The following SPECC1 variants were observed in gnomAD, a reference collection of about 807,000 sequenced individuals.
The protein encoded by SPECC1 is sperm antigen with calponin homology and coiled-coil domains 1.
A neutral mutation model predicts 104.1 loss-of-function variants in SPECC1; 62 were observed. That is an observed-to-expected ratio of 0.60 (90% CI 0.49 to 0.74). The LOEUF (loss-of-function observed/expected upper bound fraction) is 0.74, where lower values mean the gene tolerates loss of function less well. Among genes scored for constraint, SPECC1 ranks in the 30% least tolerant of loss-of-function variants. The pLI is 0.00. For missense variants in SPECC1, 1,306 were observed against 1,310.5 expected (o/e 1.00, Z 0.05); for synonymous variants, 513 against 501.6 (o/e 1.02, Z -0.30).
chr17:20,250,506 T>C (rs1483716057), intron 9 of SPECC1, among the ~76,000 whole-genome samples: 1 of 152,174 alleles, frequency 6.6e-6, no homozygotes, highest in Non-Finnish European at 1.5e-5. Flanking sequence ...AATTAGAAAA[T>C]ATTGATGAAA....
chr17:20,174,860 C>CT (rs2034357687), intron 3 of SPECC1, among the ~76,000 whole-genome samples: 1 of 152,120 alleles, frequency 6.6e-6, no homozygotes, highest in Admixed American at 6.5e-5. Flanking sequence ...CCAGGGCCTG[C>CT]TTCCTGGCAC....
chr17:20,127,698 C>A (rs1311237899), intron 3 of SPECC1, among the ~76,000 whole-genome samples: 1 of 152,156 alleles, frequency 6.6e-6, no homozygotes, highest in Non-Finnish European at 1.5e-5. Flanking sequence ...GCCTGAAGTG[C>A]AATTTTGCCA....
intron 8 of SPECC1, 106 bp from the exon 9 acceptor site, chr17:20,247,113 C>T (rs771740742): frequency 1.0e-4 from 77 of 760,374 alleles, no homozygotes; most frequent in Admixed American, 7.5e-4. Context: ...ACACTAAACA[C>T]GGATACTCCT....
At chr17:20,077,432 T>C (rs2046801462) in intron 1 of SPECC1, among the ~76,000 whole-genome samples, 2 of 152,156 alleles carry the variant, frequency 1.3e-5, no homozygotes, top group African/African-American at 4.8e-5. Context: ...ATTATCGCAC[T>C]GTGATAGCTT....
intron 1 of SPECC1, among the ~76,000 whole-genome samples, chr17:20,013,027 C>A (rs1349147342): frequency 6.6e-6 from 1 of 152,134 alleles, no homozygotes; most frequent in Non-Finnish European, 1.5e-5. Context: ...TAGCATGTGT[C>A]AGAATTTTCT....
intron 3 of SPECC1, among the ~76,000 whole-genome samples, chr17:20,160,912 T>C (rs540460384): frequency 6.6e-6 from 1 of 152,320 alleles, no homozygotes; most frequent in African/African-American, 2.4e-5. Flanking sequence ...TCCAAATCCA[T>C]TGTTAGTATA....
In SPECC1 at chr17:20,232,853, G is replaced by T. The variant is rs145558373; in HGVS notation, c.2351+448G>T. Among the ~76,000 whole-genome samples the T allele has an allele frequency of 6.8e-3, 1,036 of 152,296 alleles. 12 individuals are homozygous for T. The highest frequency in any genetic ancestry group is 0.024 in the African/African-American group (987 of 41,558). On this transcript the variant is annotated intron_variant, in intron 7 of 14. Transcript: ENST00000395527. ...TTCCTCTGGGCCCAAGGATGTGCCT[G>T]CTTATTGAGAACACCCATGAGCTAC... is the stretch of plus-strand genomic sequence containing the variant.
Position 20,205,690 on chromosome 17 carries a change from A to G in SPECC1, c.1641A>G (p.Leu547=), listed in dbSNP as rs1371712054. The G allele has an allele frequency of 6.2e-7, 1 of 1,614,102 alleles. No individual in the cohort carries two copies. Among genetic ancestry groups the G allele is most frequent in the Admixed American group, 1.7e-5 (1 of 60,008 alleles). Residue 547 remains leucine, a synonymous_variant, in exon 4 of 15, where the codon CTA becomes CTG. Coordinates refer to ENST00000395527, the MANE Select transcript of SPECC1 (RefSeq NM_001243439.2). ...AGTGTAGAGTTACCTTGGAAGGGCT[A>G]AAAATGGAGAATGGATCTTTGAAGT... The part of the protein sequence containing the change: ...LEECRVTLEG[L]KMENGSLKSH...
At chr17:20,137,464 T>C (rs910351329) in intron 3 of SPECC1, among the ~76,000 whole-genome samples, 9 of 152,220 alleles carry the variant, frequency 5.9e-5, no homozygotes, top group Non-Finnish European at 1.0e-4. Context: ...AACTGAAATA[T>C]AGATATTTTT....
At position 20,251,152 on chromosome 17, in the gene SPECC1, C is replaced by T. The variant is rs375961045; in HGVS notation, c.2599-2353C>T. 2.9e-4 allele frequency among the ~76,000 whole-genome samples: 41 copies of T among 142,708 alleles called. No homozygotes were observed. The South Asian group carries it at 4.6e-3, about 16-fold the overall frequency. The allele number at this position is 142,708 out of a possible 152,430, so 93.6% of individuals were successfully genotyped here. A position where few individuals can be genotyped will look rare whatever the true frequency, so the allele number is the denominator to read the frequency against. On this transcript the variant is annotated intron_variant, in intron 9 of 14. Transcript: ENST00000395527. The stretch of plus-strand genomic sequence containing the variant: ...CTGAGGCACAAGAATGGCTTAAATC[C>T]AGGAGGCGGAGGTTGCAGTCACCTG...
intron 3 of SPECC1, among the ~76,000 whole-genome samples, chr17:20,156,881 C>G (rs1034108115): frequency 2.6e-5 from 4 of 152,034 alleles, no homozygotes; most frequent in Non-Finnish European, 5.9e-5. Flanking sequence ...CAAAACGAAA[C>G]ATTTCTGGAC....
In SPECC1 at chr17:20,315,785, C is replaced by A. The variant is rs899652953; in HGVS notation, c.*1720C>A. 8.6e-6 allele frequency: 2 copies of A among 232,426 alleles called. No homozygotes were observed. Among genetic ancestry groups the A allele is most frequent in the Non-Finnish European group, 1.7e-5 (2 of 117,624 alleles). 14.4% of individuals were successfully genotyped at this position (232,426 alleles called of 1,614,324 possible). ...GGTCAGCAGATCCCTGATTCTCAAGCCACCTTGAGACAAGAACTCCGCCCC... is the reference window on the plus strand; with the variant it reads ...GGTCAGCAGATCCCTGATTCTCAAGACACCTTGAGACAAGAACTCCGCCCC... On this transcript the variant is annotated 3_prime_UTR_variant, in exon 15 of 15. Coordinates refer to ENST00000395527, the MANE Select transcript of SPECC1 (RefSeq NM_001243439.2).
intron 3 of SPECC1, among the ~76,000 whole-genome samples, chr17:20,163,944 T>G (rs910404529): frequency 6.6e-6 from 1 of 152,226 alleles, no homozygotes; most frequent in Non-Finnish European, 1.5e-5. Context: ...AGTTACATAT[T>G]TTGAATTGGA....
intron 3 of SPECC1, among the ~76,000 whole-genome samples, chr17:20,197,950 A>G (rs2036146332): frequency 1.3e-5 from 2 of 152,120 alleles, no homozygotes. Context: ...CATTCATTCA[A>G]CTGTTTGCAT....
chr17:20,263,281 C>CT (rs1324212489), intron 12 of SPECC1, among the ~76,000 whole-genome samples: 2 of 144,808 alleles, frequency 1.4e-5, no homozygotes, highest in African/African-American at 2.6e-5. Context: ...GCTGGGGAGG[C>CT]TGTAACCAAG....
chr17:20,040,858 C>G (rs889837088), intron 1 of SPECC1, among the ~76,000 whole-genome samples: 2 of 152,086 alleles, frequency 1.3e-5, no homozygotes, highest in Non-Finnish European at 1.5e-5. Flanking sequence ...ATGTCTCTTG[C>G]CAAATTTGGG....
intron 11 of SPECC1, among the ~76,000 whole-genome samples, chr17:20,258,513 G>A (rs1452144721): frequency 6.6e-6 from 1 of 152,120 alleles, no homozygotes; most frequent in Admixed American, 6.5e-5. Context: ...TCCTGCTGCA[G>A]ACCTTGCAGA....
At chr17:20,297,843 A>G (rs2142040072) in intron 13 of SPECC1, among the ~76,000 whole-genome samples, 1 of 152,358 alleles carries the variant, frequency 6.6e-6, no homozygotes, top group Admixed American at 6.5e-5. Flanking sequence ...TTTCTTGTCA[A>G]GCATCGGGCA....
At chr17:20,257,307 T>C in intron 10 of SPECC1, 144 bp from the exon 11 acceptor site, 3 of 910,210 alleles carry the variant, frequency 3.3e-6, no homozygotes, top group Non-Finnish European at 4.8e-6. Flanking sequence ...TCCACATCCC[T>C]ATTGCATTTT....
Sources: allele counts gnomAD v4.1 joint callset (sites outside exome capture counted in the v4.1 genomes callset), GRCh38; gene constraint gnomAD v4.1.1; transcripts MANE v1.5; gene names NCBI Gene and HGNC (gene_info 2026-07-23, HGNC 2026-07-21).